Variants in ATL1 observed in about 807,000 individuals in gnomAD.
ATL1 encodes the protein atlastin-1.
ATL1 carries 31 observed loss-of-function variants against 75.5 expected under a neutral mutation model. The observed-to-expected ratio is 0.41, with a 90% CI of 0.31 to 0.55. The LOEUF is 0.55. ATL1 is among the 20% of genes least tolerant of loss of function. The pLI, the probability that ATL1 is intolerant of heterozygous loss-of-function variation, is 0.27. For synonymous variants in ATL1, 226 were observed against 233.3 expected (o/e 0.97, Z 0.28); for missense variants, 405 against 662.6 (o/e 0.61, Z 4.27).
chr14:50,632,586 T>A lies in ATL1; in HGVS notation c.*247T>A. Reference sequence around the variant, plus strand: ...TCTTCAAAAATGCTGTTATAAAGTATTTGTCTATTTATGATAACAGTACAC... The same window carrying A: ...TCTTCAAAAATGCTGTTATAAAGTAATTGTCTATTTATGATAACAGTACAC... On this transcript the variant is annotated 3_prime_UTR_variant, in exon 14 of 14. Coordinates refer to ENST00000358385, the MANE Select transcript of ATL1 (RefSeq NM_015915.5). The A allele has an allele frequency of 2.7e-6, 1 of 374,446 alleles. No individual in the cohort carries two copies. Among genetic ancestry groups the A allele is most frequent in the South Asian group, 2.5e-5 (1 of 40,356 alleles). The allele number at this position is 374,446 out of a possible 1,614,324, so 23.2% of individuals were successfully genotyped here.
At chr14:50,582,637 G>A (rs1459800355) in intron 1 of ATL1, among the ~76,000 whole-genome samples, 1 of 150,246 alleles carries the variant, frequency 6.7e-6, no homozygotes, top group African/African-American at 2.5e-5. Flanking sequence ...TCTTGGCCAG[G>A]TTGGTCTCAA....
chr14:50,543,912 C>T (rs945553564), intron 1 of ATL1, among the ~76,000 whole-genome samples: 2 of 152,162 alleles, frequency 1.3e-5, no homozygotes, highest in African/African-American at 4.8e-5. Flanking sequence ...GACATGGTCA[C>T]AATTCTATTT....
At chr14:50,626,851 TCTAA>T (rs1566735320) in intron 11 of ATL1, among the ~76,000 whole-genome samples, 2 of 152,224 alleles carry the variant, frequency 1.3e-5, no homozygotes, top group Admixed American at 6.5e-5. Context: ...TCTTATTTCT[TCTAA>T]CTGCTTTATT....
At chr14:50,629,336 CT>C (rs1384034083) in intron 12 of ATL1, among the ~76,000 whole-genome samples, 4 of 152,268 alleles carry the variant, frequency 2.6e-5, no homozygotes, top group Non-Finnish European at 4.4e-5. Context: ...AATCTCAGCA[CT>C]TTCCGAGGCC....
intron 1 of ATL1, among the ~76,000 whole-genome samples, chr14:50,543,162 C>G (rs575339517): frequency 2.0e-5 from 3 of 152,338 alleles, no homozygotes; most frequent in Admixed American, 6.5e-5. Context: ...GCCTACGTGA[C>G]AATAGGAATG....
chr14:50,582,138 C>T (rs550770129), intron 1 of ATL1, among the ~76,000 whole-genome samples: 11 of 151,584 alleles, frequency 7.3e-5, no homozygotes, highest in African/African-American at 2.4e-4. Flanking sequence ...AAAAATTAGC[C>T]GGGCATGGTG....
At chr14:50,536,239 G>C (rs2038490560) in intron 1 of ATL1, among the ~76,000 whole-genome samples, 1 of 152,216 alleles carries the variant, frequency 6.6e-6, no homozygotes, top group Non-Finnish European at 1.5e-5. Flanking sequence ...GAGGTCGGGA[G>C]TTTGAGACCA....
intron 13 of ATL1, 23 bp from the exon 14 acceptor site, chr14:50,632,206 T>G (rs750941707): frequency 1.6e-5 from 25 of 1,554,986 alleles, no homozygotes; most frequent in Non-Finnish European, 8.8e-7. Flanking sequence ...AAATGTTTTA[T>G]AATTTTGATG....
At chr14:50,621,818 C>G in intron 9 of ATL1, 25 bp from the exon 10 acceptor site, 1 of 1,454,586 alleles carries the variant, frequency 6.9e-7, no homozygotes, top group Non-Finnish European at 9.6e-7. Flanking sequence ...ATTGCTTGAA[C>G]ATGAATCTTT....
intron 1 of ATL1, among the ~76,000 whole-genome samples, chr14:50,544,673 C>T (rs1386741339): frequency 1.3e-5 from 2 of 152,102 alleles, no homozygotes; most frequent in Non-Finnish European, 2.9e-5. Context: ...GTGGCTCACA[C>T]TTGTAATCTC....
At chr14:50,584,167 G>T (rs1043439143) in intron 1 of ATL1, among the ~76,000 whole-genome samples, 1 of 152,064 alleles carries the variant, frequency 6.6e-6, no homozygotes, top group African/African-American at 2.4e-5. Context: ...TTGAGTCCAG[G>T]AATTTGAGAC....
At chr14:50,573,191 A>G (rs537123899) in intron 1 of ATL1, among the ~76,000 whole-genome samples, 1 of 152,324 alleles carries the variant, frequency 6.6e-6, no homozygotes, top group African/African-American at 2.4e-5. Context: ...GAGCCAGACC[A>G]TATCAGTGTC....
At chr14:50,598,353 T>A (rs2039240649) in intron 6 of ATL1, among the ~76,000 whole-genome samples, 1 of 152,024 alleles carries the variant, frequency 6.6e-6, no homozygotes, top group Admixed American at 6.6e-5. Flanking sequence ...GGTTATTTTA[T>A]TTTTATTTTT....
At chr14:50,578,220 T>G (rs1300666284) in intron 1 of ATL1, among the ~76,000 whole-genome samples, 1 of 152,204 alleles carries the variant, frequency 6.6e-6, no homozygotes, top group Non-Finnish European at 1.5e-5. Flanking sequence ...TACTGAGTGA[T>G]AAACAAATAT....
intron 12 of ATL1, 113 bp from the exon 13 acceptor site, chr14:50,629,882 T>G: frequency 5.4e-6 from 2 of 367,650 alleles, no homozygotes; most frequent in South Asian, 5.0e-5. Context: ...TCTGCAGGAG[T>G]ATCTGTTCTG....
chr14:50,620,855 T>A (rs1040204168), intron 9 of ATL1, 129 bp downstream of exon 9: 2 of 1,158,996 alleles, frequency 1.7e-6, no homozygotes, highest in Non-Finnish European at 2.4e-6. Flanking sequence ...AAAAGGATTT[T>A]AAAAATCCTT....
chr14:50,545,268 A>G (rs2038616370), intron 1 of ATL1, among the ~76,000 whole-genome samples: 1 of 152,214 alleles, frequency 6.6e-6, no homozygotes, highest in African/African-American at 2.4e-5. Flanking sequence ...TAATAAACTC[A>G]TCTACTTGCC....
chr14:50,631,976 G>T (rs541276132), intron 13 of ATL1: 43 of 310,608 alleles, frequency 1.4e-4, no homozygotes, highest in Non-Finnish European at 2.4e-4. Flanking sequence ...TGCTCCAAGA[G>T]GTATGCAAGG....
intron 1 of ATL1, among the ~76,000 whole-genome samples, chr14:50,574,929 G>T (rs1175661040): frequency 4.3e-5 from 4 of 93,458 alleles, no homozygotes; most frequent in African/African-American, 1.9e-4. Context: ...GTGTGTGTGT[G>T]TGTGTGTGTA....
Sources: gnomAD v4.1 joint callset for allele counts (sites outside exome capture counted in the v4.1 genomes callset) on GRCh38, gnomAD v4.1.1 for gene constraint, MANE v1.5 for transcripts, NCBI Gene and HGNC (gene_info 2026-07-23, HGNC 2026-07-21) for gene names.